Variants in MYO3B observed in about 807,000 individuals in gnomAD.
MYO3B encodes the protein myosin IIIB.
In MYO3B, 156 loss-of-function variants were observed where a neutral mutation model predicts 174.6. That is an observed-to-expected ratio of 0.89 (90% CI 0.78 to 1.02). The LOEUF (loss-of-function observed/expected upper bound fraction) is 1.02, where lower values mean the gene tolerates loss of function less well. Among genes scored for constraint, MYO3B ranks in the 50% least tolerant of loss-of-function variants. The pLI is 0.00. For synonymous variants in MYO3B, 563 were observed against 569.1 expected, an observed-to-expected ratio of 0.99 and a Z score of 0.15; for missense variants, 1,632 against 1,639.4, an observed-to-expected ratio of 1.00 and a Z score of 0.08.
chr2:170,398,368 C>T (rs976776646), intron 16 of MYO3B, among the ~76,000 whole-genome samples: 11 of 152,090 alleles, frequency 7.2e-5, no homozygotes, highest in African/African-American at 2.7e-4. Context: ...ATGTGTTCAC[C>T]AACCTGAAAG....
chr2:170,410,331 C>T (rs192022490), intron 22 of MYO3B, among the ~76,000 whole-genome samples: 49 of 152,038 alleles, frequency 3.2e-4, no homozygotes, highest in African/African-American at 8.7e-4. Flanking sequence ...TTTGGGAGGC[C>T]GAGGCAGGCG....
chr2:170,258,371 G>A (rs1310171742), intron 7 of MYO3B, among the ~76,000 whole-genome samples: 1 of 152,104 alleles, frequency 6.6e-6, no homozygotes, highest in South Asian at 2.1e-4. Context: ...TTACAATCAG[G>A]TAGGCTTTCT....
At chr2:170,517,065 A>T (rs1308132137) in intron 29 of MYO3B, among the ~76,000 whole-genome samples, 1 of 152,182 alleles carries the variant, frequency 6.6e-6, no homozygotes, top group Non-Finnish European at 1.5e-5. Context: ...AAACTGTTTG[A>T]CAATTTCGGA....
intron 22 of MYO3B, among the ~76,000 whole-genome samples, chr2:170,442,497 C>CTTTTTTTTTTTTT (rs34632756): frequency 7.3e-6 from 1 of 136,866 alleles, no homozygotes. Flanking sequence ...AGGAGGTGTT[C>CTTTTTTTTTTTTT]TTTTTTTTTT....
chr2:170,507,690 G>T (rs531125103), intron 28 of MYO3B, among the ~76,000 whole-genome samples: 20 of 152,304 alleles, frequency 1.3e-4, no homozygotes, highest in African/African-American at 4.6e-4. Flanking sequence ...ACTGTGCCTG[G>T]CCTGGGGCTG....
intron 8 of MYO3B, among the ~76,000 whole-genome samples, chr2:170,358,760 G>A (rs192210433): frequency 6.6e-6 from 1 of 152,220 alleles, no homozygotes; most frequent in African/African-American, 2.4e-5. Context: ...TTGGGATTGT[G>A]GGTCTCCAAG....
chr2:170,552,138 A>G (rs1690964376), intron 32 of MYO3B, among the ~76,000 whole-genome samples: 1 of 152,194 alleles, frequency 6.6e-6, no homozygotes. Flanking sequence ...AATTGGTACC[A>G]GGAGTGGGGT....
At chr2:170,290,872 CAA>C (rs145187454) in intron 7 of MYO3B, among the ~76,000 whole-genome samples, 14 of 133,510 alleles carry the variant, frequency 1.0e-4, no homozygotes, top group East Asian at 2.2e-4. Flanking sequence ...ATGAGGCTTA[CAA>C]AAAAAAAAAA....
chr2:170,501,624 T>C (rs1375589151), intron 27 of MYO3B, among the ~76,000 whole-genome samples, 161 bp from the exon 28 acceptor site: 2 of 152,192 alleles, frequency 1.3e-5, no homozygotes, highest in Admixed American at 6.5e-5. Context: ...GAGAGGCCTC[T>C]CTTCTCGCCA....
intron 22 of MYO3B, among the ~76,000 whole-genome samples, chr2:170,422,977 C>T (rs200273304): frequency 1.9e-4 from 17 of 88,496 alleles, no homozygotes; most frequent in Admixed American, 3.5e-4. Flanking sequence ...TTCTTTCTTT[C>T]TTTTTTTTTT....
intron 23 of MYO3B, among the ~76,000 whole-genome samples, chr2:170,444,362 C>T (rs1009875444): frequency 7.2e-5 from 11 of 152,214 alleles, no homozygotes; most frequent in African/African-American, 2.4e-4. Context: ...AAAGAAACTA[C>T]AGTGTTTCCT....
At position 170,550,527 on chromosome 2, in the gene MYO3B, T is replaced by C. The variant is rs577457959; in HGVS notation, c.3733+6539T>C. Among the ~76,000 whole-genome samples the C allele has an allele frequency of 1.1e-4, 16 of 152,348 alleles. No homozygotes were observed. In the South Asian group the frequency reaches 2.7e-3, roughly 26 times the overall value. On this transcript the variant is annotated intron_variant, in intron 32 of 34. Transcript: ENST00000408978. ...CACTGCTCTGGACATTACCTATCTCTGTGACACAACATTGAATCAGAGAAA... is the reference window on the plus strand; with the variant it reads ...CACTGCTCTGGACATTACCTATCTCCGTGACACAACATTGAATCAGAGAAA...
intron 22 of MYO3B, among the ~76,000 whole-genome samples, 162 bp downstream of exon 22, chr2:170,408,006 T>C (rs1293544207): frequency 6.6e-6 from 1 of 152,252 alleles, no homozygotes; most frequent in Admixed American, 6.5e-5. Flanking sequence ...TGTTTGTTTC[T>C]TTTGTAATTG....
At chr2:170,422,108 G>C (rs1249780785) in intron 22 of MYO3B, among the ~76,000 whole-genome samples, 4 of 152,170 alleles carry the variant, frequency 2.6e-5, no homozygotes, top group Non-Finnish European at 5.9e-5. Flanking sequence ...TGTGCATTAA[G>C]AAGAGCCTCC....
At chr2:170,336,038 C>G (rs2093945447) in intron 8 of MYO3B, among the ~76,000 whole-genome samples, 1 of 152,092 alleles carries the variant, frequency 6.6e-6, no homozygotes, top group Admixed American at 6.6e-5. Context: ...TGCTGGGACT[C>G]AGACAGGAGC....
rs184440802 is a variant in MYO3B, at chr2:170,281,727, G to A, written c.749+45591G>A. ...GTCAACCCCAAAGCTAGCAGAAGCT[G>A]AACTGAAGGAAATTGAGACACACAA... On this transcript the variant is annotated intron_variant, in intron 7 of 34. Transcript: ENST00000408978. Among the ~76,000 whole-genome samples, 2 of 152,134 alleles carry A rather than the reference G, an allele frequency of 1.3e-5. 1 individual carries two copies. Among genetic ancestry groups the A allele is most frequent in the East Asian group, 3.9e-4 (2 of 5,180 alleles).
At chr2:170,480,743 T>G (rs1685638371) in intron 25 of MYO3B, among the ~76,000 whole-genome samples, 1 of 152,208 alleles carries the variant, frequency 6.6e-6, no homozygotes, top group Admixed American at 6.5e-5. Flanking sequence ...TGGTATCTGC[T>G]GCAGAATTAA....
chr2:170,373,417 CTT>C (rs145732855), intron 9 of MYO3B, among the ~76,000 whole-genome samples: 1,847 of 152,316 alleles, frequency 0.012, 47 homozygotes, highest in African/African-American at 0.042. Flanking sequence ...TGTAGCAACT[CTT>C]TTTGGATTTG....
intron 32 of MYO3B, among the ~76,000 whole-genome samples, chr2:170,561,220 A>G (rs545099879): frequency 4.1e-4 from 63 of 152,354 alleles, no homozygotes; most frequent in Admixed American, 2.7e-3. Flanking sequence ...CCTTAAAAGA[A>G]GAGTTAGAAT....
Sources: allele counts gnomAD v4.1 joint callset (sites outside exome capture counted in the v4.1 genomes callset), GRCh38; gene constraint gnomAD v4.1.1; transcripts MANE v1.5; gene names NCBI Gene and HGNC (gene_info 2026-07-23, HGNC 2026-07-21).